ATL2: variants seen among roughly 807,000 people sequenced by gnomAD.
The protein encoded by ATL2 is atlastin GTPase 2.
Under a neutral mutation model 73.9 loss-of-function variants are expected in ATL2, and 31 were observed. The observed-to-expected ratio is 0.42, with a 90% CI of 0.32 to 0.57. The LOEUF is 0.57. Ranked by LOEUF, ATL2 falls within the 20% of genes least tolerant of loss-of-function variation. ATL2 has a pLI of 0.14. For synonymous variants in ATL2, 291 were observed against 237.5 expected (o/e 1.23, Z -2.07); for missense variants, 738 against 702.6 (o/e 1.05, Z -0.57).
At chr2:38,296,495 CTTG>C (rs1454309152) in intron 12 of ATL2, 2 of 1,612,564 alleles carry the variant, frequency 1.2e-6, no homozygotes, top group Non-Finnish European at 1.7e-6. Context: ...AATTTTTCTT[CTTG>C]TTATTGTTGG....
chr2:38,358,478 G>A lies in ATL2; in HGVS notation c.119-14966C>T, dbSNP rs549745778. On this transcript the variant is annotated intron_variant, in intron 1 of 12. Transcript: ENST00000378954. ...AGCACTTTGGGAGGCCAAGGCGGGC[G>A]GATCACGAGGTCAGGAGATCGAGAC... 8.1e-5 allele frequency: 15 copies of A among 185,462 alleles called. No homozygotes were observed. In the East Asian group the frequency reaches 1.7e-3, roughly 21 times the overall value. The allele number at this position is 185,462 out of a possible 1,614,324, so 11.5% of individuals were successfully genotyped here.
At chr2:38,335,434 T>G (rs1201066826) in intron 2 of ATL2, among the ~76,000 whole-genome samples, 1 of 152,154 alleles carries the variant, frequency 6.6e-6, no homozygotes, top group Non-Finnish European at 1.5e-5. Flanking sequence ...TTCTGACACA[T>G]GTAACAATGT....
At chr2:38,327,360 C>T (rs1334555328) in intron 2 of ATL2, among the ~76,000 whole-genome samples, 1 of 151,836 alleles carries the variant, frequency 6.6e-6, no homozygotes, top group Non-Finnish European at 1.5e-5. Flanking sequence ...ATCCATGAAG[C>T]AGTATAATAT....
At chr2:38,364,256 C>G (rs796334819) in intron 1 of ATL2, among the ~76,000 whole-genome samples, 22 of 151,698 alleles carry the variant, frequency 1.5e-4, no homozygotes, top group African/African-American at 5.3e-4. Context: ...AGTGAGACTC[C>G]ATCTCAAAAA....
chr2:38,351,899 G>A (rs1670368720), intron 1 of ATL2, among the ~76,000 whole-genome samples: 1 of 151,706 alleles, frequency 6.6e-6, no homozygotes, highest in African/African-American at 2.4e-5. Flanking sequence ...ATCACCTAAG[G>A]TCAGGAGTTT....
At chr2:38,350,372 A>G (rs531417672) in intron 1 of ATL2, among the ~76,000 whole-genome samples, 36 of 152,326 alleles carry the variant, frequency 2.4e-4, no homozygotes, top group African/African-American at 8.2e-4. Context: ...TACCTACCTA[A>G]TATCTATTTG....
intron 1 of ATL2, among the ~76,000 whole-genome samples, chr2:38,366,592 A>G: frequency 6.6e-6 from 1 of 152,318 alleles, no homozygotes; most frequent in African/African-American, 2.4e-5. Context: ...TCAAAGCACG[A>G]CAAAGCCTCC....
intron 1 of ATL2, among the ~76,000 whole-genome samples, chr2:38,364,163 G>A (rs192559696): frequency 6.6e-6 from 1 of 152,306 alleles, no homozygotes; most frequent in African/African-American, 2.4e-5. Flanking sequence ...TCAGGAGGCT[G>A]AGGCAGAAGA....
At chr2:38,342,410 A>C (rs1669777117) in intron 2 of ATL2, among the ~76,000 whole-genome samples, 1 of 152,208 alleles carries the variant, frequency 6.6e-6, no homozygotes, top group South Asian at 2.1e-4. Context: ...CCTAGATGTC[A>C]GGGAAGGCCC....
At chr2:38,303,795 C>G (rs1667306516) in intron 9 of ATL2, among the ~76,000 whole-genome samples, 1 of 152,078 alleles carries the variant, frequency 6.6e-6, no homozygotes, top group Non-Finnish European at 1.5e-5. Flanking sequence ...AATAAGACTA[C>G]CTCAAGACAT....
intron 5 of ATL2, 71 bp from the exon 6 acceptor site, chr2:38,314,735 C>A: frequency 1.1e-6 from 1 of 948,608 alleles, no homozygotes; most frequent in South Asian, 1.6e-5. Context: ...ACCTGTTCCA[C>A]ACCAAAGCTC....
chr2:38,371,239 GGCTGAT>G (rs1263340879), intron 1 of ATL2, among the ~76,000 whole-genome samples: 2 of 150,718 alleles, frequency 1.3e-5, no homozygotes, highest in African/African-American at 4.9e-5. Flanking sequence ...TGGGTGTGGT[GGCTGAT>G]GCCTGTAATC....
At chr2:38,369,508 G>A (rs1383209614) in intron 1 of ATL2, among the ~76,000 whole-genome samples, 2 of 150,366 alleles carry the variant, frequency 1.3e-5, no homozygotes, top group African/African-American at 4.9e-5. Context: ...GGCTGGTCTC[G>A]AACTCCTGAC....
At chr2:38,317,172 C>T (rs1053192343) in intron 4 of ATL2, among the ~76,000 whole-genome samples, 5 of 152,090 alleles carry the variant, frequency 3.3e-5, no homozygotes, top group Non-Finnish European at 5.9e-5. Context: ...ATCCAAGACA[C>T]TGTGACAGCA....
chr2:38,370,205 C>T (rs574891969), intron 1 of ATL2, among the ~76,000 whole-genome samples: 4 of 150,036 alleles, frequency 2.7e-5, no homozygotes, highest in Non-Finnish European at 5.9e-5. Context: ...TCGCTCACAC[C>T]TGTAATCCCA....
intron 9 of ATL2, among the ~76,000 whole-genome samples, chr2:38,308,783 T>C (rs190026716): frequency 1.9e-4 from 29 of 152,198 alleles, no homozygotes; most frequent in Admixed American, 1.7e-3. Context: ...TTTTAAAAAA[T>C]TCATTCATAA....
chr2:38,350,920 G>C (rs1326473080), intron 1 of ATL2, among the ~76,000 whole-genome samples: 1 of 152,058 alleles, frequency 6.6e-6, no homozygotes, highest in African/African-American at 2.4e-5. Context: ...CAAATTTCAA[G>C]CTTAATTATA....
At chr2:38,335,588 G>A (rs1669309990) in intron 2 of ATL2, among the ~76,000 whole-genome samples, 1 of 152,136 alleles carries the variant, frequency 6.6e-6, no homozygotes, top group Admixed American at 6.5e-5. Context: ...GAGAGCCGGA[G>A]ATAGCAGTAA....
intron 1 of ATL2, among the ~76,000 whole-genome samples, chr2:38,372,404 A>G (rs1404059670): frequency 6.6e-6 from 1 of 152,140 alleles, no homozygotes; most frequent in African/African-American, 2.4e-5. Context: ...GTACGGGAGG[A>G]TGCACATAGG....
Sources: gnomAD v4.1 joint callset for allele counts (sites outside exome capture counted in the v4.1 genomes callset) on GRCh38, gnomAD v4.1.1 for gene constraint, MANE v1.5 for transcripts, NCBI Gene and HGNC (gene_info 2026-07-23, HGNC 2026-07-21) for gene names.